The following ITPR2 variants were observed in gnomAD, a reference collection of about 807,000 sequenced individuals.
The protein encoded by ITPR2 is inositol 1,4,5-trisphosphate-gated calcium channel ITPR2.
ITPR2 carries 207 observed loss-of-function variants against 317.1 expected under a neutral mutation model. That is an observed-to-expected ratio of 0.65 (90% CI 0.58 to 0.73). The LOEUF (loss-of-function observed/expected upper bound fraction) is 0.73, where lower values mean the gene tolerates loss of function less well. Among genes scored for constraint, ITPR2 ranks in the 30% least tolerant of loss-of-function variants. The pLI, the probability that ITPR2 is intolerant of heterozygous loss-of-function variation, is 0.00. For synonymous variants in ITPR2, 1,156 were observed against 1,149.1 expected (o/e 1.01, Z -0.12); for missense variants, 2,613 against 3,284.0 (o/e 0.80, Z 4.99).
intron 2 of ITPR2, among the ~76,000 whole-genome samples, chr12:26,787,181 C>T (rs1950269989): frequency 6.6e-6 from 1 of 152,192 alleles, no homozygotes; most frequent in Non-Finnish European, 1.5e-5. Context: ...CTCTGGGACT[C>T]CAGCTGCATA....
At chr12:26,391,968 G>T (rs1318585330) in intron 54 of ITPR2, among the ~76,000 whole-genome samples, 1 of 152,132 alleles carries the variant, frequency 6.6e-6, no homozygotes, top group South Asian at 2.1e-4. Flanking sequence ...GACTAAGGAT[G>T]CAAGACCCAG....
At chr12:26,580,000 A>T in intron 33 of ITPR2, 27 bp downstream of exon 33, 2 of 1,597,674 alleles carry the variant, frequency 1.3e-6, no homozygotes, top group Non-Finnish European at 1.7e-6. Context: ...TCTTTGCAAC[A>T]GAATGCTTTG....
chr12:26,496,598 A>T (rs1181536730), intron 37 of ITPR2, among the ~76,000 whole-genome samples: 2 of 152,152 alleles, frequency 1.3e-5, no homozygotes, highest in African/African-American at 4.8e-5. Context: ...GGCATCTCAA[A>T]CTCAATTTTT....
intron 54 of ITPR2, among the ~76,000 whole-genome samples, chr12:26,395,535 T>C (rs988509301): frequency 2.0e-5 from 3 of 152,188 alleles, no homozygotes; most frequent in Non-Finnish European, 4.4e-5. Flanking sequence ...TGGTCCATTC[T>C]TCCAAAGAGC....
intron 34 of ITPR2, among the ~76,000 whole-genome samples, chr12:26,576,842 C>T (rs964559581): frequency 6.6e-6 from 1 of 152,168 alleles, no homozygotes; most frequent in Non-Finnish European, 1.5e-5. Context: ...GTGTTAGAAA[C>T]TTAATCCTCA....
intron 13 of ITPR2, among the ~76,000 whole-genome samples, chr12:26,676,257 A>T (rs1045605015): frequency 1.3e-5 from 2 of 152,164 alleles, no homozygotes; most frequent in Non-Finnish European, 2.9e-5. Context: ...CAGGCAGATT[A>T]CCTGAGGTCG....
intron 13 of ITPR2, among the ~76,000 whole-genome samples, chr12:26,669,905 A>C (rs4500564): frequency 0.89 from 135,746 of 152,306 alleles, 60,733 homozygotes; most frequent in East Asian, 0.99. Context: ...CATCCCACAC[A>C]TGGCTGGGAG....
chr12:26,762,021 T>G (rs946261116), intron 2 of ITPR2, among the ~76,000 whole-genome samples: 1 of 151,946 alleles, frequency 6.6e-6, no homozygotes, highest in Non-Finnish European at 1.5e-5. Flanking sequence ...CAAAGGCAGG[T>G]CATTTGAAAC....
At chr12:26,626,503 G>A (rs1946627625) in intron 23 of ITPR2, among the ~76,000 whole-genome samples, 1 of 152,206 alleles carries the variant, frequency 6.6e-6, no homozygotes, top group African/African-American at 2.4e-5. Flanking sequence ...AGGCCTCTGG[G>A]AGTCAATAAT....
At chr12:26,554,707 C>G (rs985008651) in intron 36 of ITPR2, among the ~76,000 whole-genome samples, 9 of 152,052 alleles carry the variant, frequency 5.9e-5, no homozygotes, top group African/African-American at 2.2e-4. Context: ...ACTTTTAACC[C>G]ATATTCCATA....
Position 26,483,762 on chromosome 12 carries a change from G to A in ITPR2, c.5948C>T (p.Ala1983Val), listed in dbSNP as rs1271921653. The part of the protein sequence containing the change: ...LGLYINEKNV[A>V]LVNQNLESLT... ...GCTCTCCAGGTTCTGGTTGACCAGC[G>A]CTACATTCTTCTCATTGATGTAGAG... The change falls in exon 42 of 57, where the codon GCG becomes GTG. Residue 1983 changes from alanine to valine, a missense_variant. By Grantham distance (64) the Ala-to-Val change is moderately conservative. Transcript: ENST00000381340. The A allele has an allele frequency of 1.9e-6, 3 of 1,614,076 alleles. No homozygotes were observed. Among genetic ancestry groups the A allele is most frequent in the Non-Finnish European group, 2.5e-6 (3 of 1,179,960 alleles).
At chr12:26,792,286 TGGAA>T (rs1388102917) in intron 1 of ITPR2, among the ~76,000 whole-genome samples, 5 of 151,906 alleles carry the variant, frequency 3.3e-5, no homozygotes, top group African/African-American at 1.2e-4. Flanking sequence ...TTGAAGATAA[TGGAA>T]GGAAGGAAAC....
intron 55 of ITPR2, among the ~76,000 whole-genome samples, chr12:26,379,971 G>A (rs1294990762): frequency 6.6e-6 from 1 of 152,146 alleles, no homozygotes; most frequent in Non-Finnish European, 1.5e-5. Flanking sequence ...CCGAACACTA[G>A]CAGATCTACA....
chr12:26,436,059 T>C (rs757246688), intron 48 of ITPR2, among the ~76,000 whole-genome samples, 162 bp downstream of exon 48: 8 of 152,234 alleles, frequency 5.3e-5, no homozygotes, highest in Non-Finnish European at 1.2e-4. Flanking sequence ...AACAGTTCTG[T>C]TGACCACACT....
Position 26,591,568 on chromosome 12 carries a change from G to T in ITPR2, c.4380+3897C>A, listed in dbSNP as rs537219879. On this transcript the variant is annotated intron_variant, in intron 32 of 56. Coordinates refer to ENST00000381340, the MANE Select transcript of ITPR2 (RefSeq NM_002223.4). ...AAAATAGCCGGGCGCAGAGGCTCAC[G>T]CCTGTAATCCCAGTACTTTGGGAGG... is the stretch of plus-strand genomic sequence containing the variant. Among the ~76,000 whole-genome samples the T allele has an allele frequency of 2.6e-5, 4 of 152,194 alleles. No individual in the cohort carries two copies. In the South Asian group the frequency reaches 8.3e-4, roughly 32 times the overall value.
chr12:26,439,142 G>T lies in ITPR2; in HGVS notation c.6628C>A (p.Gln2210Lys). 6.2e-7 allele frequency: 1 copy of T among 1,603,984 alleles called. No individual in the cohort carries two copies. The highest frequency in any genetic ancestry group is 8.5e-7 in the Non-Finnish European group (1 of 1,174,684). Residue 2210 changes from glutamine to lysine, a missense_variant, in exon 47 of 57, where the codon CAG becomes AAG. By Grantham distance (53) the Gln-to-Lys change is moderately conservative. Transcript: ENST00000381340. ...CTGTACTTACTCCTGATTTTCTTCT[G>T]CCACTTCATTTCATTGTAGAGATCT... Reference protein sequence around the residue: ...TEDLYNEMKWQKKIRNNPALF... With the variant: ...TEDLYNEMKWKKKIRNNPALF...
At chr12:26,545,803 T>C (rs1357220641) in intron 37 of ITPR2, among the ~76,000 whole-genome samples, 2 of 152,202 alleles carry the variant, frequency 1.3e-5, no homozygotes, top group African/African-American at 2.4e-5. Context: ...TCCACTGGCA[T>C]GGATCACTGA....
At chr12:26,459,483 T>G (rs757542261) in intron 45 of ITPR2, among the ~76,000 whole-genome samples, 1 of 152,184 alleles carries the variant, frequency 6.6e-6, no homozygotes, top group Non-Finnish European at 1.5e-5. Context: ...CATCAATAGA[T>G]TGTTCTTGGA....
intron 45 of ITPR2, among the ~76,000 whole-genome samples, chr12:26,454,164 T>A (rs1033281512): frequency 6.6e-6 from 1 of 152,222 alleles, no homozygotes; most frequent in African/African-American, 2.4e-5. Context: ...AATTACAATA[T>A]TATATGTAAA....
Sources: gnomAD v4.1 joint callset for allele counts (sites outside exome capture counted in the v4.1 genomes callset) on GRCh38, gnomAD v4.1.1 for gene constraint, MANE v1.5 for transcripts, NCBI Gene and HGNC (gene_info 2026-07-23, HGNC 2026-07-21) for gene names.